GNPDA2: variants seen among roughly 807,000 people sequenced by gnomAD.
GNPDA2 encodes glcN6P deaminase 2.
GNPDA2 carries 24 observed loss-of-function variants against 27.0 expected under a neutral mutation model. The ratio of observed to expected loss-of-function variants is 0.89; its 90% confidence interval spans 0.64 to 1.25. The LOEUF (loss-of-function observed/expected upper bound fraction) is 1.25, where lower values mean the gene tolerates loss of function less well. Ranked by LOEUF, GNPDA2 falls within the 50% of genes most tolerant of loss-of-function variation. The pLI is 0.00. For synonymous variants in GNPDA2, 94 were observed against 108.4 expected (o/e 0.87, Z 0.83); for missense variants, 286 against 335.1 (o/e 0.85, Z 1.14).
chr4:44,722,278 A>C, intron 1 of GNPDA2, 36 bp from the exon 2 acceptor site: 1 of 1,485,806 alleles, frequency 6.7e-7, no homozygotes, highest in African/African-American at 1.4e-5. Context: ...TTTACATAAT[A>C]AACAGATAAT....
At chr4:44,703,946 A>C in intron 6 of GNPDA2, 4 of 984,762 alleles carry the variant, frequency 4.1e-6, no homozygotes, top group Non-Finnish European at 4.8e-6. Context: ...TAAGTTTTCC[A>C]GGTATTAAGA....
rs150300982 is a variant in GNPDA2 at position 44,707,729 on chromosome 4, G to A, written c.769+23C>T. ...TCACTCACAACAGATTATCTCAGTC[G>A]GCTTTTGAAATTCAGTGCTCACCTT... On this transcript the variant is annotated intron_variant, in intron 6 of 6. Coordinates refer to ENST00000295448, the MANE Select transcript of GNPDA2 (RefSeq NM_138335.3). 157 of 1,598,354 alleles carry A rather than the reference G, an allele frequency of 9.8e-5. 1 individual carries two copies. The African/African-American group carries it at 1.9e-3, about 19-fold the overall frequency.
At chr4:44,722,312 G>T in intron 1 of GNPDA2, 70 bp from the exon 2 acceptor site, 3 of 1,186,056 alleles carry the variant, frequency 2.5e-6, no homozygotes, top group Non-Finnish European at 3.5e-6. Context: ...CTTTTTAAAA[G>T]ATGTAAATAA....
Position 44,710,936 on chromosome 4 carries a change from G to T in GNPDA2, c.594+17C>A, listed in dbSNP as rs762998394. ...TTAACATGAAAAGAAAGACAGCAAAGAATATTTAATGCTTACTTCTCTAGC... is the reference window on the plus strand; with the variant it reads ...TTAACATGAAAAGAAAGACAGCAAATAATATTTAATGCTTACTTCTCTAGC... On this transcript the variant is annotated intron_variant, in intron 5 of 6. Coordinates refer to ENST00000295448, the MANE Select transcript of GNPDA2 (RefSeq NM_138335.3). 1.3e-6 allele frequency: 2 copies of T among 1,537,362 alleles called. No homozygotes were observed. Among genetic ancestry groups the T allele is most frequent in the Admixed American group, 2.1e-5 (1 of 47,700 alleles).
At chr4:44,711,269 A>G in intron 4 of GNPDA2, 132 bp from the exon 5 acceptor site, 1 of 511,476 alleles carries the variant, frequency 2.0e-6, no homozygotes, top group African/African-American at 2.0e-5. Context: ...GCATTAAAAT[A>G]TTTGTTTCTG....
At chr4:44,719,626 C>A (rs1717543358) in intron 2 of GNPDA2, among the ~76,000 whole-genome samples, 1 of 151,960 alleles carries the variant, frequency 6.6e-6, no homozygotes, top group Non-Finnish European at 1.5e-5. Flanking sequence ...TTCCCTCTTC[C>A]TTTCTCGAAG....
intron 6 of GNPDA2, chr4:44,705,410 AC>A: frequency 2.0e-6 from 2 of 984,896 alleles, no homozygotes; most frequent in Non-Finnish European, 2.4e-6. Flanking sequence ...ATACCCTGAA[AC>A]CTCTTCAGAA....
intron 4 of GNPDA2, among the ~76,000 whole-genome samples, chr4:44,716,107 C>T (rs1717263083): frequency 1.3e-5 from 2 of 151,900 alleles, no homozygotes; most frequent in African/African-American, 2.4e-5. Flanking sequence ...TGTACCTATA[C>T]TGAACTTCAA....
At chr4:44,704,280 G>A (rs1716450353) in intron 6 of GNPDA2, 3 of 983,932 alleles carry the variant, frequency 3.0e-6, no homozygotes, top group South Asian at 4.7e-5. Context: ...TAGGAGAGGG[G>A]ACAACAAAGA....
intron 4 of GNPDA2, among the ~76,000 whole-genome samples, chr4:44,711,892 C>T (rs1307812285): frequency 1.3e-5 from 2 of 151,540 alleles, no homozygotes; most frequent in East Asian, 3.9e-4. Flanking sequence ...ATCATACTTA[C>T]CCTTACTAGG....
intron 4 of GNPDA2, among the ~76,000 whole-genome samples, chr4:44,712,061 T>C (rs1289550851): frequency 6.6e-6 from 1 of 152,040 alleles, no homozygotes; most frequent in Non-Finnish European, 1.5e-5. Context: ...ATTCTAGGAT[T>C]ACCTCTAAAA....
rs1267927997 is a variant in GNPDA2, at chr4:44,711,078, T to C, written c.469A>G (p.Thr157Ala). ...NEPGSSLVSR[T>A]RLKTLAMDTI... is the part of the protein sequence containing the mutation. The stretch of plus-strand genomic sequence containing the variant: ...TCCATTGCTAGAGTCTTTAATCTTG[T>C]CCTTGACACTAAACTGGATCCAGGC... Residue 157 changes from threonine to alanine, a missense_variant, in exon 5 of 7, where the codon ACA (threonine) becomes GCA (alanine). Thr to Ala is a moderately conservative substitution (Grantham distance 58). Coordinates refer to ENST00000295448, the MANE Select transcript of GNPDA2 (RefSeq NM_138335.3). 7 of 1,612,468 alleles carry C rather than the reference T, an allele frequency of 4.3e-6. No homozygotes were observed. The highest frequency in any genetic ancestry group is 2.2e-5 in the East Asian group (1 of 44,772).
In GNPDA2 at chr4:44,722,089, G is replaced by A. The variant is rs1027416172; in HGVS notation, c.119C>T (p.Pro40Leu). The change falls in exon 2 of 7, where the codon CCA becomes CTA. Residue 40 changes from proline to leucine, a missense_variant. By Grantham distance (98) the Pro-to-Leu change is moderately conservative. Coordinates refer to ENST00000295448, the MANE Select transcript of GNPDA2 (RefSeq NM_138335.3). Reference sequence around the variant, plus strand: ...TGGAAAAAGTAGTTAATTACCTGTTGGTAAACCCAGTGTAAAATATCTGTC... The same window carrying A: ...TGGAAAAAGTAGTTAATTACCTGTTAGTAAACCCAGTGTAAAATATCTGTC... ...GQDRYFTLGL[P>L]TGSTPLGCYK... 5 of 1,606,482 alleles carry A rather than the reference G, an allele frequency of 3.1e-6. No homozygotes were observed. The highest frequency in any genetic ancestry group is 4.3e-6 in the Non-Finnish European group (5 of 1,175,260).
rs1716369477 is a variant in GNPDA2 at position 44,703,070 on chromosome 4, T to C, written c.*11A>G. 2.5e-6 allele frequency: 4 copies of C among 1,611,694 alleles called. No homozygotes were observed. Among genetic ancestry groups the C allele is most frequent in the Non-Finnish European group, 1.7e-6 (2 of 1,178,922 alleles). Reference sequence around the variant, plus strand: ...TCTGTTCATTCAAGCTGAATTTTGCTCCAGTCTCCTTCAGTTTCCATCTTT... The same window carrying C: ...TCTGTTCATTCAAGCTGAATTTTGCCCCAGTCTCCTTCAGTTTCCATCTTT... On this transcript the variant is annotated 3_prime_UTR_variant, in exon 7 of 7. Transcript: ENST00000295448.
chr4:44,722,289 T>A (rs904904280), intron 1 of GNPDA2, 47 bp from the exon 2 acceptor site: 1 of 1,373,480 alleles, frequency 7.3e-7, no homozygotes, highest in Admixed American at 2.3e-5. Context: ...AACAGATAAT[T>A]TAAATTCAGT....
intron 1 of GNPDA2, among the ~76,000 whole-genome samples, chr4:44,722,571 C>G (rs905374470): frequency 1.3e-5 from 2 of 152,112 alleles, no homozygotes; most frequent in Non-Finnish European, 2.9e-5. Flanking sequence ...CTGTATTAAA[C>G]AGGTACAGAC....
chr4:44,722,147 A>C lies in GNPDA2; in HGVS notation c.61T>G (p.Cys21Gly), dbSNP rs760020359. ...LASEWAAKYICNRIIQFKPGQ... is the reference protein window; with the variant it reads ...LASEWAAKYIGNRIIQFKPGQ... The stretch of plus-strand genomic sequence containing the variant: ...GGTTTGAACTGAATGATGCGATTAC[A>C]GATGTATTTGGCTGCCCATTCACTA... The change falls in exon 2 of 7, where the codon TGT (cysteine) becomes GGT (glycine). Residue 21 changes from cysteine to glycine, a missense_variant. Physicochemically the swap from Cys to Gly is radical, Grantham distance 159. Coordinates refer to ENST00000295448, the MANE Select transcript of GNPDA2 (RefSeq NM_138335.3). 2.5e-6 allele frequency: 4 copies of C among 1,613,450 alleles called. No homozygotes were observed. The highest frequency in any genetic ancestry group is 3.4e-6 in the Non-Finnish European group (4 of 1,179,442).
At chr4:44,706,017 T>C (rs1357158454) in intron 6 of GNPDA2, 2 of 151,922 alleles carry the variant, frequency 1.3e-5, no homozygotes, top group Non-Finnish European at 2.9e-5. Flanking sequence ...ATTAGATTAG[T>C]ACAGGGATTT....
At chr4:44,710,091 G>C (rs1454724800) in intron 5 of GNPDA2, among the ~76,000 whole-genome samples, 1 of 152,124 alleles carries the variant, frequency 6.6e-6, no homozygotes, top group Non-Finnish European at 1.5e-5. Flanking sequence ...TTAGAAATAA[G>C]ATTGCTCTAA....
Sources: allele counts gnomAD v4.1 joint callset (sites outside exome capture counted in the v4.1 genomes callset), GRCh38; gene constraint gnomAD v4.1.1; transcripts MANE v1.5; gene names NCBI Gene and HGNC (gene_info 2026-07-23, HGNC 2026-07-21).